The following CPLX2 variants were observed in gnomAD, a reference collection of about 807,000 sequenced individuals.
CPLX2 encodes complexin-2.
CPLX2 carries 5 observed loss-of-function variants against 16.3 expected under a neutral mutation model. The observed-to-expected ratio is 0.31, with a 90% confidence interval of 0.16 to 0.64. The LOEUF (loss-of-function observed/expected upper bound fraction) is 0.64, where lower values mean the gene tolerates loss of function less well. Among genes scored for constraint, CPLX2 ranks in the 30% least tolerant of loss-of-function variants. The probability of loss-of-function intolerance (pLI) is 0.79; values close to 1 mark genes in which losing one functional copy is unlikely to be tolerated. For missense variants in CPLX2, 144 were observed against 181.4 expected (o/e 0.79, Z 1.18); for synonymous variants, 89 against 73.2 (o/e 1.22, Z -1.10).
intron 2 of CPLX2, among the ~76,000 whole-genome samples, chr5:175,833,510 G>C (rs1025792420): frequency 2.0e-5 from 3 of 152,182 alleles, no homozygotes; most frequent in Non-Finnish European, 4.4e-5. Context: ...CTTTCTGAAG[G>C]AGCAGACATC....
Position 175,882,995 on chromosome 5 carries a change from TGGG to T in CPLX2, c.*2952_*2954del, listed in dbSNP as rs1252658229. 1 of 152,110 alleles carries T rather than the reference TGGG, an allele frequency of 6.6e-6. No homozygotes were observed. Among genetic ancestry groups the T allele is most frequent in the African/African-American group, 2.4e-5 (1 of 41,376 alleles). The allele number at this position is 152,110 out of a possible 1,614,324, so 9.4% of individuals were successfully genotyped here. ...AGGGCAATGAGTGTGCACATACAAA[TGGG>T]GCAGTGTGCATGCAACACACTTAGG... is the stretch of plus-strand genomic sequence containing the variant. On this transcript the variant is annotated 3_prime_UTR_variant, in exon 4 of 4. Transcript: ENST00000393745.
chr5:175,854,206 T>C (rs368373436), intron 2 of CPLX2, among the ~76,000 whole-genome samples: 1 of 152,290 alleles, frequency 6.6e-6, no homozygotes, highest in South Asian at 2.1e-4. Flanking sequence ...TTTGACCAGC[T>C]CTTTTCTCCT....
At chr5:175,833,711 G>T (rs1419841697) in intron 2 of CPLX2, among the ~76,000 whole-genome samples, 3 of 152,178 alleles carry the variant, frequency 2.0e-5, no homozygotes, top group Non-Finnish European at 4.4e-5. Flanking sequence ...GTGGGGATGG[G>T]AGGCTGGAGA....
At chr5:175,871,532 G>A (rs1759619131), upstream of CPLX2, 1 of 151,696 alleles carries the variant, frequency 6.6e-6, no homozygotes, top group African/African-American at 2.4e-5. Context: ...GTCAGGGCCC[G>A]GCTGAGGGGC....
In CPLX2 at chr5:175,830,428, G is replaced by A. The variant is rs547333383; in HGVS notation, c.-89+21360G>A. 4.6e-5 allele frequency among the ~76,000 whole-genome samples: 7 copies of A among 152,292 alleles called. No homozygotes were observed. Among genetic ancestry groups the A allele is most frequent in the African/African-American group, 9.6e-5 (4 of 41,570 alleles). The stretch of plus-strand genomic sequence containing the variant: ...AACCATCATGCCTGTCTCCTTCCCC[G>A]CCCCCGGAGGTGCGTGATGCCCCCA... On this transcript the variant is annotated intron_variant, in intron 2 of 4. Coordinates refer to the CPLX2 transcript ENST00000359546. The surrounding 1 kb of genome is among the most constrained non-coding windows in gnomAD (Gnocchi z 4.0).
intron 2 of CPLX2, among the ~76,000 whole-genome samples, chr5:175,858,996 A>G (rs1004982119): frequency 5.3e-5 from 8 of 152,348 alleles, no homozygotes; most frequent in Admixed American, 5.2e-4. Context: ...CAGAGAAGCC[A>G]CGTGATCTGA....
chr5:175,802,044 G>A (rs577655003), intron 1 of CPLX2, among the ~76,000 whole-genome samples: 5 of 152,356 alleles, frequency 3.3e-5, no homozygotes, highest in South Asian at 4.1e-4. Flanking sequence ...AACAAAGGCA[G>A]TATATATTTT....
intron 2 of CPLX2, among the ~76,000 whole-genome samples, chr5:175,812,838 T>C (rs1418097256): frequency 6.6e-6 from 1 of 152,252 alleles, no homozygotes; most frequent in Non-Finnish European, 1.5e-5. Context: ...TTCGCTTTTA[T>C]CTGTTGTATA....
At chr5:175,847,361 G>A (rs569888129) in intron 2 of CPLX2, among the ~76,000 whole-genome samples, 66 of 152,258 alleles carry the variant, frequency 4.3e-4, no homozygotes, top group African/African-American at 1.3e-3. Context: ...GGCTGGGTCC[G>A]AGGTCTCACC....
chr5:175,838,226 A>G (rs1758872240), intron 2 of CPLX2, among the ~76,000 whole-genome samples: 1 of 149,388 alleles, frequency 6.7e-6, no homozygotes, highest in African/African-American at 2.5e-5. Flanking sequence ...ACATTCCTGC[A>G]TGGAGGGCAG....
At position 175,879,990 on chromosome 5, in the gene CPLX2, T is replaced by C. The variant is rs768201279; in HGVS notation, c.350T>C (p.Leu117Pro). The change falls in exon 4 of 4, where the codon CTG becomes CCG. Residue 117 changes from leucine to proline, a missense_variant. Coordinates refer to ENST00000393745, the MANE Select transcript of CPLX2 (RefSeq NM_001008220.2). ...DEEEEEEESI[L>P]DTVLKYLPGP... The stretch of plus-strand genomic sequence containing the variant: ...GAGGAGGAGGAAGAGGAGAGCATCC[T>C]GGACACGGTGCTCAAATACCTGCCC... 2.5e-6 allele frequency: 4 copies of C among 1,613,918 alleles called. No individual in the cohort carries two copies. The East Asian group carries it at 8.9e-5, about 36-fold the overall frequency.
chr5:175,852,388 G>A (rs1362023237), intron 2 of CPLX2, among the ~76,000 whole-genome samples: 1 of 152,194 alleles, frequency 6.6e-6, no homozygotes, highest in Non-Finnish European at 1.5e-5. Context: ...CATAGCTGTT[G>A]AACTGTCTTG....
rs1581108418 is a variant in CPLX2 at position 175,880,344 on chromosome 5, T to C, written c.*299T>C. The stretch of plus-strand genomic sequence containing the variant: ...TGCTAGTGTGGTGACCCCCATACAT[T>C]CCTCCCTGCTCCCCACTGCCAGGAG... On this transcript the variant is annotated 3_prime_UTR_variant, in exon 4 of 4. Coordinates refer to ENST00000393745, the MANE Select transcript of CPLX2 (RefSeq NM_001008220.2). The C allele has an allele frequency of 2.3e-6, 1 of 438,508 alleles. No homozygotes were observed. Among genetic ancestry groups the C allele is most frequent in the Non-Finnish European group, 4.3e-6 (1 of 233,766 alleles). 27.2% of individuals were successfully genotyped at this position (438,508 alleles called of 1,614,324 possible).
At chr5:175,850,502 C>T (rs979512654) in intron 2 of CPLX2, among the ~76,000 whole-genome samples, 6 of 152,220 alleles carry the variant, frequency 3.9e-5, no homozygotes, top group African/African-American at 7.2e-5. Flanking sequence ...CTGGCCAACA[C>T]ACCTGCACTT....
At chr5:175,857,363 G>A (rs552886893) in intron 2 of CPLX2, among the ~76,000 whole-genome samples, 8 of 152,248 alleles carry the variant, frequency 5.3e-5, no homozygotes, top group East Asian at 3.9e-4. Flanking sequence ...TTTCTGCAGC[G>A]CACTCACCAC....
At chr5:175,869,357 T>A (rs146590272), upstream of CPLX2, among the ~76,000 whole-genome samples, 23 of 152,264 alleles carry the variant, frequency 1.5e-4, no homozygotes, top group Non-Finnish European at 2.8e-4. Flanking sequence ...TGGACCAGCC[T>A]CCCACACACC....
chr5:175,879,604 C>T, intron 3 of CPLX2: 1 of 642,974 alleles, frequency 1.6e-6, no homozygotes, highest in Non-Finnish European at 2.8e-6. Context: ...TTGGGGGTTT[C>T]AACACAGCAG....
rs987254967 is a variant in CPLX2 at position 175,882,170 on chromosome 5, C to G, written c.*2125C>G. 6.6e-6 allele frequency: 1 copy of G among 151,998 alleles called. No homozygotes were observed. The highest frequency in any genetic ancestry group is 6.6e-5 in the Admixed American group (1 of 15,218). The allele number at this position is 151,998 out of a possible 1,614,324, so 9.4% of individuals were successfully genotyped here. On this transcript the variant is annotated 3_prime_UTR_variant, in exon 4 of 4. Transcript: ENST00000393745. Reference sequence around the variant, plus strand: ...GTCCAGCCCCCCAGGGGGCCTGTGTCTGTGTCTGTGCCTGTGTCTGTGATG... The same window carrying G: ...GTCCAGCCCCCCAGGGGGCCTGTGTGTGTGTCTGTGCCTGTGTCTGTGATG...
At chr5:175,875,280 A>G (rs1759730689) in intron 1 of CPLX2, among the ~76,000 whole-genome samples, 1 of 152,076 alleles carries the variant, frequency 6.6e-6, no homozygotes, top group African/African-American at 2.4e-5. Flanking sequence ...ATGGAGAGGG[A>G]TGGAAGATGT....
Sources: gnomAD v4.1 joint callset for allele counts (sites outside exome capture counted in the v4.1 genomes callset) on GRCh38, gnomAD v4.1.1 for gene constraint, Gnocchi (gnomAD v3.1) non-coding constraint, MANE v1.5 for transcripts, NCBI Gene and HGNC (gene_info 2026-07-23, HGNC 2026-07-21) for gene names.